The following KIF18B variants were observed in gnomAD, a reference collection of about 807,000 sequenced individuals.
The protein encoded by KIF18B is kinesin-like protein KIF18B.
A neutral mutation model predicts 80.9 loss-of-function variants in KIF18B; 49 were observed. The ratio of observed to expected loss-of-function variants is 0.61; its 90% confidence interval spans 0.48 to 0.77. The LOEUF is 0.77. Ranked by LOEUF, KIF18B falls within the 30% of genes least tolerant of loss-of-function variation. The pLI, the probability that KIF18B is intolerant of heterozygous loss-of-function variation, is 0.00. For missense variants in KIF18B, 994 were observed against 1,127.7 expected, an observed-to-expected ratio of 0.88 and a Z score of 1.70; for synonymous variants, 439 against 463.9, an observed-to-expected ratio of 0.95 and a Z score of 0.69.
intron 9 of KIF18B, 171 bp from the exon 10 acceptor site, chr17:44,932,377 C>A (rs766391737): frequency 5.7e-6 from 4 of 698,310 alleles, no homozygotes; most frequent in Non-Finnish European, 9.2e-6. Context: ...TGGGCAGTAG[C>A]TGAGGGTAGG....
chr17:44,931,483 G>A, intron 11 of KIF18B, 119 bp downstream of exon 11: 1 of 1,313,688 alleles, frequency 7.6e-7, no homozygotes, highest in Non-Finnish European at 1.1e-6. Flanking sequence ...CCAGGTAAAG[G>A]ACAGTGCTGA....
chr17:44,932,097 C>T lies in KIF18B; in HGVS notation c.1348G>A (p.Glu450Lys). The T allele has an allele frequency of 6.2e-7, 1 of 1,613,846 alleles. No individual in the cohort carries two copies. Among genetic ancestry groups the T allele is most frequent in the Non-Finnish European group, 8.5e-7 (1 of 1,179,830 alleles). ...RAMEGNSSDQ[E>K]QSPEDEDEGP... Reference sequence around the variant, plus strand: ...TCATCCTCATCCTCTGGGGACTGCTCCTGGTCTGAAGAGTTCCCTTCCATG... The same window carrying T: ...TCATCCTCATCCTCTGGGGACTGCTTCTGGTCTGAAGAGTTCCCTTCCATG... Residue 450 changes from glutamate to lysine, a missense_variant, in exon 10 of 16, where the codon GAG becomes AAG. By Grantham distance (56) the Glu-to-Lys change is moderately conservative (BLOSUM62 1). Coordinates refer to ENST00000593135, the MANE Select transcript of KIF18B (RefSeq NM_001265577.2).
intron 11 of KIF18B, among the ~76,000 whole-genome samples, chr17:44,929,234 C>T (rs549294972): frequency 6.6e-6 from 1 of 152,236 alleles, no homozygotes; most frequent in African/African-American, 2.4e-5. Context: ...AGGCCAAGGC[C>T]GACCAGGATG....
intron 1 of KIF18B, among the ~76,000 whole-genome samples, chr17:44,947,249 C>A (rs917407296): frequency 6.6e-6 from 1 of 151,876 alleles, no homozygotes; most frequent in Non-Finnish European, 1.5e-5. Context: ...GAGTCCCAGG[C>A]CTTTAGTTGT....
intron 2 of KIF18B, among the ~76,000 whole-genome samples, chr17:44,935,759 G>T (rs1363856058): frequency 2.0e-5 from 3 of 152,160 alleles, no homozygotes; most frequent in East Asian, 3.9e-4. Context: ...TCTGTGAGTG[G>T]TGTCTTCTCC....
At chr17:44,933,049 C>T in intron 7 of KIF18B, 63 bp from the exon 8 acceptor site, 1 of 1,491,008 alleles carries the variant, frequency 6.7e-7, no homozygotes, top group Non-Finnish European at 9.2e-7. Flanking sequence ...TCAGCCACCG[C>T]CGATGGCCAG....
chr17:44,932,876 C>T (rs749515213), intron 8 of KIF18B, 36 bp downstream of exon 8: 7 of 1,589,526 alleles, frequency 4.4e-6, no homozygotes, highest in Middle Eastern at 1.7e-4. Flanking sequence ...CTCTGGCTGT[C>T]GGCCCTCCAG....
At chr17:44,945,364 T>C (rs770823911) in intron 1 of KIF18B, among the ~76,000 whole-genome samples, 1 of 152,158 alleles carries the variant, frequency 6.6e-6, no homozygotes. Flanking sequence ...CCCAGTCTTA[T>C]CTTCTTTTAT....
At chr17:44,930,755 G>A (rs1469809405) in intron 11 of KIF18B, among the ~76,000 whole-genome samples, 1 of 152,132 alleles carries the variant, frequency 6.6e-6, no homozygotes, top group Non-Finnish European at 1.5e-5. Flanking sequence ...AGGGGCCCTG[G>A]GTCATCGGTA....
rs770153757 is a variant in KIF18B, at chr17:44,928,254, G to C, written c.2048C>G (p.Pro683Arg). The change falls in exon 13 of 16, where the codon CCC becomes CGC. Residue 683 changes from proline (P) to arginine (R), a missense_variant. Transcript: ENST00000593135. ...TGGGCAAACGCGAGGGGAATGGCAG[G>C]GGGAGGAGGCCCTTTCTCCTTTGGG... ...STPKGERASS[P>R]CHSPRVCPAT... 1.5e-5 allele frequency: 25 copies of C among 1,613,502 alleles called. No individual in the cohort carries two copies. The highest frequency in any genetic ancestry group is 2.1e-5 in the Non-Finnish European group (25 of 1,179,784).
intron 1 of KIF18B, among the ~76,000 whole-genome samples, chr17:44,942,854 T>C (rs1050293734): frequency 1.3e-5 from 2 of 152,246 alleles, no homozygotes; most frequent in African/African-American, 4.8e-5. Context: ...TTCACAACAA[T>C]TGTCATATCC....
At chr17:44,933,480 G>A (rs2052203725) in intron 7 of KIF18B, among the ~76,000 whole-genome samples, 2 of 151,778 alleles carry the variant, frequency 1.3e-5, no homozygotes, top group South Asian at 4.1e-4. Flanking sequence ...AAGACTCTCT[G>A]AAGACAGAGG....
At position 44,934,431 on chromosome 17, in the gene KIF18B, C is replaced by G. The variant is rs767038596; in HGVS notation, c.688-1G>C. The G allele has an allele frequency of 2.5e-6, 4 of 1,605,654 alleles. No individual in the cohort carries two copies. Among genetic ancestry groups the G allele is most frequent in the Non-Finnish European group, 3.4e-6 (4 of 1,175,322 alleles). On this transcript the variant is annotated splice_acceptor_variant, in intron 5 of 15. Transcript: ENST00000593135. LOFTEE classifies it high-confidence loss of function. This position sits in a 1 kb window ranked among gnomAD's most constrained non-coding sequence, Gnocchi z 5.4. ...CCCGGTCCTGCTGCTTCACAAAGATCTGAAGGCAGATGGCAGGGGTGAGGG... is the reference window on the plus strand; with the variant it reads ...CCCGGTCCTGCTGCTTCACAAAGATGTGAAGGCAGATGGCAGGGGTGAGGG...
In KIF18B at chr17:44,932,131, C is replaced by T. The variant is rs1470536421; in HGVS notation, c.1314G>A (p.Val438=). Reference sequence around the variant, plus strand: ...AAGAGTTCCCTTCCATGGCCCTCTCCACCTGGGCCTCCATCCCCAGACTCT... The same window carrying T: ...AAGAGTTCCCTTCCATGGCCCTCTCTACCTGGGCCTCCATCCCCAGACTCT... The part of the protein sequence containing the change: ...QEESLGMEAQ[V]ERAMEGNSSD... The change falls in exon 10 of 16, where the codon GTG becomes GTA. Residue 438 remains valine (V), a synonymous_variant. Coordinates refer to ENST00000593135, the MANE Select transcript of KIF18B (RefSeq NM_001265577.2). 2 of 1,613,802 alleles carry T rather than the reference C, an allele frequency of 1.2e-6. No individual in the cohort carries two copies. Among genetic ancestry groups the T allele is most frequent in the Non-Finnish European group, 1.7e-6 (2 of 1,179,862 alleles).
rs2052218721 is a variant in KIF18B at position 44,934,001 on chromosome 17, G to A, written c.984C>T (p.Ile328=). The A allele has an allele frequency of 6.2e-7, 1 of 1,609,212 alleles. No homozygotes were observed. The change falls in exon 7 of 16, where the codon ATC becomes ATT. Residue 328 remains isoleucine, a synonymous_variant. Coordinates refer to ENST00000593135, the MANE Select transcript of KIF18B (RefSeq NM_001265577.2). The surrounding 1 kb of genome is among the most constrained non-coding windows in gnomAD (Gnocchi z 5.4). ...CCTCGTAGGTCAGGCTGGAGGGGCT[G>A]ATGGCAGCGATCATCACTGTGCGGC... ...GNCRTVMIAA[I]SPSSLTYEDT...
rs1195494237 is a variant in KIF18B at position 44,926,055 on chromosome 17, C to T, written c.*25G>A. The T allele has an allele frequency of 6.2e-7, 1 of 1,613,666 alleles. No homozygotes were observed. Among genetic ancestry groups the T allele is most frequent in the South Asian group, 1.1e-5 (1 of 91,070 alleles). ...CAGAGGGGCCGGTAGGTTAGGACAC[C>T]TTGGTGGTCAGGACATTCTGGCGGT... On this transcript the variant is annotated 3_prime_UTR_variant, in exon 16 of 16. Coordinates refer to ENST00000593135, the MANE Select transcript of KIF18B (RefSeq NM_001265577.2).
At chr17:44,932,301 C>A in intron 9 of KIF18B, 95 bp from the exon 10 acceptor site, 1 of 1,400,170 alleles carries the variant, frequency 7.1e-7, no homozygotes, top group Non-Finnish European at 9.5e-7. Flanking sequence ...GAGCAGGGAG[C>A]GGGTGGGATC....
At chr17:44,940,128 G>T (rs1277192717) in intron 1 of KIF18B, among the ~76,000 whole-genome samples, 1 of 152,212 alleles carries the variant, frequency 6.6e-6, no homozygotes, top group Non-Finnish European at 1.5e-5. Flanking sequence ...CAGAAGATAG[G>T]AAAGCTACTG....
intron 1 of KIF18B, among the ~76,000 whole-genome samples, chr17:44,943,290 C>T (rs1352106202): frequency 6.6e-6 from 1 of 151,864 alleles, no homozygotes; most frequent in East Asian, 1.9e-4. Flanking sequence ...TTAGTAGAGG[C>T]GGGGTTTCAC....
Sources: gnomAD v4.1 joint callset for allele counts (sites outside exome capture counted in the v4.1 genomes callset) on GRCh38, gnomAD v4.1.1 for gene constraint, Gnocchi (gnomAD v3.1) non-coding constraint, MANE v1.5 for transcripts, NCBI Gene and HGNC (gene_info 2026-07-23, HGNC 2026-07-21) for gene names.